The following FRMD4A variants were observed in gnomAD, a reference collection of about 807,000 sequenced individuals.
FRMD4A encodes FERM domain containing 4A.
A neutral mutation model predicts 129.1 loss-of-function variants in FRMD4A; 29 were observed. The ratio of observed to expected loss-of-function variants is 0.22; its 90% confidence interval spans 0.17 to 0.31. The LOEUF (loss-of-function observed/expected upper bound fraction) is 0.31. FRMD4A is among the 10% of genes least tolerant of loss of function. FRMD4A has a pLI of 1.00. For missense variants in FRMD4A, 1,272 were observed against 1,375.8 expected (o/e 0.92, Z 1.19); for synonymous variants, 634 against 571.6 (o/e 1.11, Z -1.56).
At position 13,915,651 on chromosome 10, in the gene FRMD4A, G is replaced by A. The variant is rs184540462; in HGVS notation, c.46-56739C>T. 3.5e-3 allele frequency among the ~76,000 whole-genome samples: 524 copies of A among 148,140 alleles called. 4 individuals carry two copies. The highest frequency in any genetic ancestry group is 6.1e-3 in the Non-Finnish European group (409 of 67,286). ...CACGCCACTGCACTCCAGACTGGGC[G>A]ACAGAGTGACTCTATCTCAAAAAAA... On this transcript the variant is annotated intron_variant, in intron 2 of 24. Coordinates refer to ENST00000357447, the MANE Select transcript of FRMD4A (RefSeq NM_018027.5).
chr10:13,932,313 G>T (rs1565064495), intron 2 of FRMD4A, among the ~76,000 whole-genome samples: 2 of 152,164 alleles, frequency 1.3e-5, no homozygotes, highest in African/African-American at 4.8e-5. Flanking sequence ...CATGGGTCAT[G>T]TCCTCTCTGT....
intron 15 of FRMD4A, among the ~76,000 whole-genome samples, chr10:13,688,571 T>TA (rs1012699374): frequency 2.0e-5 from 3 of 151,646 alleles, no homozygotes; most frequent in African/African-American, 4.9e-5. Flanking sequence ...AATTTACTAT[T>TA]AAAAAAAAGA....
chr10:13,997,122 A>G (rs2095625372), intron 2 of FRMD4A, among the ~76,000 whole-genome samples: 1 of 152,176 alleles, frequency 6.6e-6, no homozygotes, highest in Non-Finnish European at 1.5e-5. Flanking sequence ...TGATACTGAA[A>G]TTGGTCTTTC....
At chr10:14,089,630 C>CAAAAAAAAAAAAAAAAAAAAAAA (rs59553317) in intron 2 of FRMD4A, among the ~76,000 whole-genome samples, 3 of 130,774 alleles carry the variant, frequency 2.3e-5, no homozygotes, top group Admixed American at 7.8e-5. Context: ...AAAAAAAAAA[C>CAAAAAAAAAAAAAAAAAAAAAAA]AAAAAAAAAC....
chr10:13,827,396 AC>A (rs1333858561), intron 3 of FRMD4A, among the ~76,000 whole-genome samples: 8 of 152,114 alleles, frequency 5.3e-5, no homozygotes, highest in Admixed American at 5.2e-4. Context: ...ATCTCCCGAA[AC>A]CCGACAGGAT....
intron 2 of FRMD4A, among the ~76,000 whole-genome samples, chr10:14,131,402 C>CCCCG (rs1024575229): frequency 1.3e-5 from 2 of 151,752 alleles, no homozygotes; most frequent in African/African-American, 4.8e-5. Context: ...CTGTGCCCCC[C>CCCCG]CCGGCCGCCC....
rs71479869 is a variant in FRMD4A, at chr10:14,309,941, C to A, written c.45+20117G>T. Among the ~76,000 whole-genome samples, 757 of 152,192 alleles carry A rather than the reference C, an allele frequency of 5.0e-3. 2 individuals are homozygous for A. The highest frequency in any genetic ancestry group is 8.7e-3 in the Non-Finnish European group (590 of 68,002). The stretch of plus-strand genomic sequence containing the variant: ...GTCCCCCACCGTCCCCTGCACCCTC[C>A]CCGCATTCCCTCCTTCTGAACCCCC... On this transcript the variant is annotated intron_variant, in intron 2 of 24. Transcript: ENST00000357447.
intron 2 of FRMD4A, among the ~76,000 whole-genome samples, chr10:14,039,279 C>T (rs1219477986): frequency 6.6e-6 from 1 of 152,042 alleles, no homozygotes; most frequent in African/African-American, 2.4e-5. Flanking sequence ...GCCATATATA[C>T]TATATCAAAG....
intron 2 of FRMD4A, among the ~76,000 whole-genome samples, chr10:13,939,428 A>C (rs2131305379): frequency 6.6e-6 from 1 of 152,316 alleles, no homozygotes; most frequent in Admixed American, 6.5e-5. Context: ...ATAACTGCCA[A>C]TGCTTGACAT....
At chr10:13,878,055 CG>C (rs759406095) in intron 2 of FRMD4A, among the ~76,000 whole-genome samples, 64 of 152,040 alleles carry the variant, frequency 4.2e-4, no homozygotes, top group Non-Finnish European at 7.9e-4. Context: ...GCAATGGCCC[CG>C]GCAAACGAGA....
At chr10:13,978,427 T>C (rs1430159337) in intron 2 of FRMD4A, among the ~76,000 whole-genome samples, 1 of 152,142 alleles carries the variant, frequency 6.6e-6, no homozygotes, top group East Asian at 1.9e-4. Context: ...CCTGACTCTC[T>C]CACACCCACC....
intron 2 of FRMD4A, among the ~76,000 whole-genome samples, chr10:14,251,910 A>G (rs1161637608): frequency 6.6e-6 from 1 of 152,160 alleles, no homozygotes; most frequent in East Asian, 1.9e-4. Flanking sequence ...CACACAATTT[A>G]AAACAGAGCC....
intron 2 of FRMD4A, among the ~76,000 whole-genome samples, chr10:14,012,477 G>A (rs772905293): frequency 2.6e-5 from 4 of 152,092 alleles, no homozygotes; most frequent in South Asian, 2.1e-4. Context: ...TCTTGGTCAC[G>A]AACAGCAGGG....
intron 15 of FRMD4A, chr10:13,685,193 A>G: frequency 1.0e-6 from 1 of 985,008 alleles, no homozygotes; most frequent in Non-Finnish European, 1.2e-6. Flanking sequence ...AGGCTTAGAA[A>G]TTTTAGAAAT....
At chr10:13,695,294 C>A (rs796467361) in intron 14 of FRMD4A, among the ~76,000 whole-genome samples, 9 of 152,210 alleles carry the variant, frequency 5.9e-5, no homozygotes, top group African/African-American at 2.2e-4. Context: ...GTGTCCACCA[C>A]CACGCCCAGC....
chr10:13,701,841 C>T (rs2086861209), intron 13 of FRMD4A, among the ~76,000 whole-genome samples: 1 of 152,158 alleles, frequency 6.6e-6, no homozygotes, highest in African/African-American at 2.4e-5. Context: ...AATGATGCTC[C>T]CTATGAGACA....
intron 2 of FRMD4A, among the ~76,000 whole-genome samples, chr10:14,054,517 C>A (rs1436740245): frequency 6.6e-6 from 1 of 152,148 alleles, no homozygotes; most frequent in Non-Finnish European, 1.5e-5. Context: ...ATCAAAATTT[C>A]TCTACGAGTG....
chr10:14,330,151 G>C lies in FRMD4A; in HGVS notation c.-49C>G. On this transcript the variant is annotated 5_prime_UTR_variant, in exon 2 of 25. Coordinates refer to ENST00000357447, the MANE Select transcript of FRMD4A (RefSeq NM_018027.5). ...TCCTGCTGCCGAGTCAGTCCTCCTG[G>C]GCCCCGGGTGGCTACAGAGCATCCA... 6.5e-7 allele frequency: 1 copy of C among 1,538,736 alleles called. No homozygotes were observed. Among genetic ancestry groups the C allele is most frequent in the Non-Finnish European group, 8.8e-7 (1 of 1,136,524 alleles).
At chr10:14,195,623 G>A (rs1416583127) in intron 2 of FRMD4A, among the ~76,000 whole-genome samples, 4 of 152,174 alleles carry the variant, frequency 2.6e-5, no homozygotes, top group Non-Finnish European at 5.9e-5. Context: ...CTCTCCAGGC[G>A]TCCCCCGTTG....
Sources: gnomAD v4.1 joint callset for allele counts (sites outside exome capture counted in the v4.1 genomes callset) on GRCh38, gnomAD v4.1.1 for gene constraint, MANE v1.5 for transcripts, NCBI Gene and HGNC (gene_info 2026-07-23, HGNC 2026-07-21) for gene names.